SLC25A48: variants seen among roughly 807,000 people sequenced by gnomAD.
SLC25A48 encodes the protein solute carrier family 25 member 48, also known as CTC-321K16.1.
Under a neutral mutation model 32.2 loss-of-function variants are expected in SLC25A48, and 29 were observed. The ratio of observed to expected loss-of-function variants is 0.90; its 90% CI spans 0.67 to 1.23. The LOEUF is 1.23. SLC25A48 is among the 50% of genes most tolerant of loss of function. The pLI is 0.00. For missense variants in SLC25A48, 399 were observed against 422.7 expected (o/e 0.94, Z 0.49); for synonymous variants, 164 against 172.3 (o/e 0.95, Z 0.38).
intron 3 of SLC25A48, among the ~76,000 whole-genome samples, chr5:135,675,907 G>T (rs1201745964): frequency 6.6e-6 from 1 of 151,934 alleles, no homozygotes; most frequent in African/African-American, 2.4e-5. Flanking sequence ...TCCTTGTAGT[G>T]ATCTTTCACT....
intron 4 of SLC25A48, among the ~76,000 whole-genome samples, chr5:135,823,179 G>A (rs565775244): frequency 3.9e-5 from 6 of 152,266 alleles, no homozygotes; most frequent in South Asian, 4.2e-4. Flanking sequence ...TGGGATTCAC[G>A]AAGGCTGGGG....
chr5:135,679,351 G>A (rs903116195), intron 3 of SLC25A48, among the ~76,000 whole-genome samples: 2 of 152,168 alleles, frequency 1.3e-5, no homozygotes, highest in Admixed American at 6.5e-5. Flanking sequence ...GCACTGCGAG[G>A]GCCGAGCTGG....
At chr5:135,728,795 A>C (rs1202226196) in intron 3 of SLC25A48, among the ~76,000 whole-genome samples, 2 of 149,080 alleles carry the variant, frequency 1.3e-5, no homozygotes, top group Non-Finnish European at 3.0e-5. Context: ...CTTGCCTTTC[A>C]CCTCAGTTTC....
intron 3 of SLC25A48, among the ~76,000 whole-genome samples, chr5:135,768,158 C>A (rs1369381102): frequency 1.5e-5 from 2 of 132,514 alleles, no homozygotes; most frequent in African/African-American, 5.8e-5. Context: ...GGGTGTACAC[C>A]CACTGCGATA....
At chr5:135,812,300 C>A (rs1231994991) in intron 3 of SLC25A48, among the ~76,000 whole-genome samples, 1 of 152,116 alleles carries the variant, frequency 6.6e-6, no homozygotes, top group African/African-American at 2.4e-5. Flanking sequence ...TTTATCATTT[C>A]TTTGTGTTAC....
At chr5:135,638,163 T>C (rs1043874277) in intron 3 of SLC25A48, among the ~76,000 whole-genome samples, 2 of 152,226 alleles carry the variant, frequency 1.3e-5, no homozygotes, top group African/African-American at 4.8e-5. Context: ...ATATGTTAAG[T>C]TTAATTGAAA....
intron 3 of SLC25A48, among the ~76,000 whole-genome samples, chr5:135,775,106 T>C (rs1214165519): frequency 6.6e-6 from 1 of 151,742 alleles, no homozygotes; most frequent in African/African-American, 2.4e-5. Flanking sequence ...ACTTCCAAAA[T>C]TGCATGGGGT....
chr5:135,782,379 G>A lies in SLC25A48; in HGVS notation c.-520-30144G>A, dbSNP rs1460283399. Among the ~76,000 whole-genome samples the A allele has an allele frequency of 2.6e-5, 3 of 117,040 alleles. No individual in the cohort carries two copies. The East Asian group carries it at 6.4e-4, about 25-fold the overall frequency. 76.8% of individuals were successfully genotyped at this position (117,040 alleles called of 152,430 possible). On this transcript the variant is annotated intron_variant, in intron 3 of 10. Coordinates refer to the SLC25A48 transcript ENST00000646290. Reference sequence around the variant, plus strand: ...CTTTCTCGTTCCTAATACCCAGGATGTGAGAGGATGATATCACCCCCAATA... The same window carrying A: ...CTTTCTCGTTCCTAATACCCAGGATATGAGAGGATGATATCACCCCCAATA...
chr5:135,681,787 T>C (rs182196599), intron 3 of SLC25A48, among the ~76,000 whole-genome samples: 2 of 152,356 alleles, frequency 1.3e-5, no homozygotes, highest in East Asian at 3.9e-4. Flanking sequence ...CAGCCTCTAG[T>C]CTAAGACTAG....
chr5:135,762,608 G>C (rs1756089328), intron 3 of SLC25A48, among the ~76,000 whole-genome samples: 2 of 152,134 alleles, frequency 1.3e-5, no homozygotes, highest in South Asian at 4.1e-4. Context: ...TGGGTCAGGG[G>C]ATGTGTCCAC....
At chr5:135,613,247 C>T (rs527325173) in intron 1 of SLC25A48, among the ~76,000 whole-genome samples, 14 of 152,144 alleles carry the variant, frequency 9.2e-5, no homozygotes, top group South Asian at 6.2e-4. Flanking sequence ...AAGTCCTTTG[C>T]CCACTTTTTA....
At position 135,862,024 on chromosome 5, in the gene SLC25A48, T is replaced by C. The variant is rs145787101; in HGVS notation, c.421+9203T>C. 4.3e-3 allele frequency among the ~76,000 whole-genome samples: 649 copies of C among 152,370 alleles called. 3 individuals carry two copies. Among genetic ancestry groups the C allele is most frequent in the African/African-American group, 0.014 (598 of 41,598 alleles). On this transcript the variant is annotated intron_variant, in intron 4 of 7. Coordinates refer to ENST00000681962, the MANE Select transcript of SLC25A48 (RefSeq NM_001349336.2). ...TATGTGCCTGTGACAGTAAGGCACC[T>C]GTGAAAAAACCCTTCCTTTTAAAAT...
intron 1 of SLC25A48, among the ~76,000 whole-genome samples, chr5:135,615,717 A>G (rs1010039591): frequency 6.6e-6 from 1 of 152,260 alleles, no homozygotes; most frequent in African/African-American, 2.4e-5. Flanking sequence ...TGAAGTTTGC[A>G]TAACTGAAGT....
At position 135,843,250 on chromosome 5, in the gene SLC25A48, C is replaced by G. The variant is rs181510661; in HGVS notation, c.90+791C>G. Reference sequence around the variant, plus strand: ...GACCCAGTGCTGGGAGATGGGCACACAAAGTGGTGAGTGAAGCAGGCTTAG... The same window carrying G: ...GACCCAGTGCTGGGAGATGGGCACAGAAAGTGGTGAGTGAAGCAGGCTTAG... On this transcript the variant is annotated intron_variant, in intron 2 of 7. Transcript: ENST00000681962. Among the ~76,000 whole-genome samples, 4 of 152,246 alleles carry G rather than the reference C, an allele frequency of 2.6e-5. No individual in the cohort carries two copies. In the East Asian group the frequency reaches 7.7e-4, roughly 29 times the overall value.
intron 3 of SLC25A48, chr5:135,652,525 A>G: frequency 2.3e-6 from 1 of 432,600 alleles, no homozygotes; most frequent in Non-Finnish European, 4.7e-6. Flanking sequence ...CTCACTATAT[A>G]CCCCATTAAC....
chr5:135,860,958 G>T (rs1760730770), intron 4 of SLC25A48, among the ~76,000 whole-genome samples: 1 of 152,174 alleles, frequency 6.6e-6, no homozygotes, highest in East Asian at 1.9e-4. Context: ...GTGGTTGGGG[G>T]ACTGGCAAAT....
At chr5:135,694,581 A>G (rs149205928) in intron 3 of SLC25A48, among the ~76,000 whole-genome samples, 32 of 151,842 alleles carry the variant, frequency 2.1e-4, no homozygotes, top group African/African-American at 5.8e-4. Context: ...TTATTTATTT[A>G]TTTATTTACT....
chr5:135,816,506 C>G (rs1177093335), intron 4 of SLC25A48, among the ~76,000 whole-genome samples: 1 of 152,180 alleles, frequency 6.6e-6, no homozygotes, highest in Admixed American at 6.5e-5. Context: ...CTTACCCTCT[C>G]TAAACCTCAT....
chr5:135,777,096 T>C (rs1424854594), intron 3 of SLC25A48, among the ~76,000 whole-genome samples: 1 of 151,952 alleles, frequency 6.6e-6, no homozygotes, highest in Non-Finnish European at 1.5e-5. Flanking sequence ...CCCTGTGATA[T>C]TGTTTTTAAT....
Sources: gnomAD v4.1 joint callset for allele counts (sites outside exome capture counted in the v4.1 genomes callset) on GRCh38, gnomAD v4.1.1 for gene constraint, MANE v1.5 for transcripts, NCBI Gene and HGNC (gene_info 2026-07-23, HGNC 2026-07-21) for gene names.